Variants in ITGA1 observed in about 807,000 individuals in gnomAD.
The protein encoded by ITGA1 is integrin alpha-1.
A neutral mutation model predicts 145.9 loss-of-function variants in ITGA1; 85 were observed. The ratio of observed to expected loss-of-function variants is 0.58; its 90% CI spans 0.49 to 0.70. The LOEUF is 0.70. ITGA1 is among the 30% of genes least tolerant of loss of function. The probability of loss-of-function intolerance (pLI) is 0.00; values close to 1 mark genes in which losing one functional copy is unlikely to be tolerated. For missense variants in ITGA1, 1,351 were observed against 1,418.7 expected (o/e 0.95, Z 0.77); for synonymous variants, 520 against 495.3 (o/e 1.05, Z -0.66).
At chr5:52,902,013 T>C (rs1010037760) in intron 11 of ITGA1, 6 of 152,118 alleles carry the variant, frequency 3.9e-5, no homozygotes, top group African/African-American at 1.4e-4. Context: ...TCACCCAAAA[T>C]AATATTCTAA....
chr5:52,817,835 A>T (rs1190659779), intron 1 of ITGA1, among the ~76,000 whole-genome samples: 1 of 152,214 alleles, frequency 6.6e-6, no homozygotes, highest in East Asian at 1.9e-4. Context: ...GCTTCAGTGA[A>T]ATTTAGAGCA....
intron 1 of ITGA1, among the ~76,000 whole-genome samples, chr5:52,810,004 T>C (rs1748660803): frequency 1.3e-5 from 2 of 150,222 alleles, no homozygotes; most frequent in Non-Finnish European, 3.0e-5. Context: ...CTCTGAAAGA[T>C]TGTGGAACCT....
At chr5:52,863,618 T>C (rs1228185263) in intron 3 of ITGA1, among the ~76,000 whole-genome samples, 1 of 152,136 alleles carries the variant, frequency 6.6e-6, no homozygotes, top group Non-Finnish European at 1.5e-5. Context: ...TTTCATGTAT[T>C]TTTTTTAATT....
chr5:52,800,047 A>T (rs926481037), intron 1 of ITGA1: 6 of 305,710 alleles, frequency 2.0e-5, no homozygotes, highest in Non-Finnish European at 3.1e-5. Context: ...TCCTTTGGGG[A>T]CGGGAGACGT....
At chr5:52,926,172 C>T (rs1750803398) in intron 19 of ITGA1, among the ~76,000 whole-genome samples, 2 of 152,032 alleles carry the variant, frequency 1.3e-5, no homozygotes, top group African/African-American at 4.8e-5. Flanking sequence ...AGTATTAAAA[C>T]ACTATTGTCT....
At chr5:52,918,478 T>C (rs1173607206) in intron 15 of ITGA1, among the ~76,000 whole-genome samples, 1 of 152,162 alleles carries the variant, frequency 6.6e-6, no homozygotes, top group Non-Finnish European at 1.5e-5. Context: ...TTCCATCTCT[T>C]TTCCATCACA....
chr5:52,935,958 T>TAACTGAATATCAGGAAACAGAA lies in ITGA1; in HGVS notation c.2965-1443_2965-1442insAACTGAATATCAGGAAACAGAA, dbSNP rs1246974467. ...TGGTAATTACAGAACACAGGATTTC[T>TAACTGAATATCAGGAAACAGAA]TTTTTTTTTTTTTTTTTTTTTTTTT... On this transcript the variant is annotated intron_variant, in intron 23 of 28. Coordinates refer to ENST00000282588, the MANE Select transcript of ITGA1 (RefSeq NM_181501.2). Among the ~76,000 whole-genome samples, 3 of 35,820 alleles carry TAACTGAATATCAGGAAACAGAA rather than the reference T, an allele frequency of 8.4e-5. 1 individual carries two copies. The highest frequency in any genetic ancestry group is 2.2e-4 in the African/African-American group (2 of 8,924). 23.5% of individuals were successfully genotyped at this position (35,820 alleles called of 152,430 possible). A position where few individuals can be genotyped will look rare whatever the true frequency, so the allele number is the denominator to read the frequency against.
intron 28 of ITGA1, among the ~76,000 whole-genome samples, chr5:52,951,415 T>G (rs978836413): frequency 3.9e-5 from 6 of 152,142 alleles, no homozygotes; most frequent in African/African-American, 1.4e-4. Flanking sequence ...TTTGTTATTC[T>G]ATAGGATGGG....
Position 52,897,449 on chromosome 5 carries a change from T to TTA in ITGA1, c.1091-3_1091-2dup. 1.9e-6 allele frequency: 3 copies of TTA among 1,601,144 alleles called. No individual in the cohort carries two copies. The highest frequency in any genetic ancestry group is 1.7e-6 in the Non-Finnish European group (2 of 1,169,084). The stretch of plus-strand genomic sequence containing the variant: ...TTATTTACAGTGATATTTTCCTATG[T>TTA]TATAGCCACAGCTGACCAGTCAGCA... On this transcript the variant is annotated splice_region_variant and splice_polypyrimidine_tract_variant and intron_variant, in intron 9 of 28. Coordinates refer to ENST00000282588, the MANE Select transcript of ITGA1 (RefSeq NM_181501.2).
chr5:52,867,271 G>A (rs1478445), intron 6 of ITGA1: 41,342 of 152,032 alleles, frequency 0.27, 5,867 homozygotes, highest in South Asian at 0.39. Flanking sequence ...ACTTCAAAGT[G>A]AAATGTATTG....
chr5:52,918,018 A>G (rs1346084507), intron 15 of ITGA1, among the ~76,000 whole-genome samples: 1 of 152,130 alleles, frequency 6.6e-6, no homozygotes, highest in Non-Finnish European at 1.5e-5. Context: ...TAAGACAATG[A>G]CCTCAGTATC....
chr5:52,791,367 T>G (rs1580018680), intron 1 of ITGA1, among the ~76,000 whole-genome samples: 1 of 152,240 alleles, frequency 6.6e-6, no homozygotes, highest in Middle Eastern at 3.4e-3. Flanking sequence ...CAGTGTTAGT[T>G]TGATTATGAA....
chr5:52,851,612 A>G (rs1749433133), intron 2 of ITGA1, among the ~76,000 whole-genome samples: 1 of 152,220 alleles, frequency 6.6e-6, no homozygotes, highest in Non-Finnish European at 1.5e-5. Flanking sequence ...ATTGGATAGT[A>G]AGAATAAGGT....
At chr5:52,800,590 ACT>A (rs1362043338) in intron 1 of ITGA1, 3 of 1,613,038 alleles carry the variant, frequency 1.9e-6, no homozygotes, top group Admixed American at 1.7e-5. Context: ...CACTACCCTC[ACT>A]CTCTGCGTGG....
chr5:52,871,191 G>C (rs1749770773), intron 6 of ITGA1, among the ~76,000 whole-genome samples: 1 of 152,132 alleles, frequency 6.6e-6, no homozygotes, highest in Non-Finnish European at 1.5e-5. Flanking sequence ...TTTTAATTTA[G>C]ACAGAACCAT....
At chr5:52,926,791 G>A (rs1323126501) in intron 19 of ITGA1, among the ~76,000 whole-genome samples, 2 of 152,094 alleles carry the variant, frequency 1.3e-5, no homozygotes, top group Admixed American at 1.3e-4. Context: ...TATATTAACA[G>A]TAACAACAGT....
At chr5:52,881,502 T>C (rs1319741719) in intron 6 of ITGA1, among the ~76,000 whole-genome samples, 6 of 152,200 alleles carry the variant, frequency 3.9e-5, no homozygotes, top group East Asian at 3.9e-4. Flanking sequence ...CAATTGTTCA[T>C]GTATTTGAAT....
At chr5:52,856,680 C>CAG (rs137879951) in intron 2 of ITGA1, among the ~76,000 whole-genome samples, 2,262 of 148,256 alleles carry the variant, frequency 0.015, 20 homozygotes, top group South Asian at 0.023. Flanking sequence ...GAAAAAGAGA[C>CAG]AGAGAGAGAG....
In ITGA1 at chr5:52,863,498, A is replaced by AAAAAC. The variant is rs1306903987; in HGVS notation, c.296-1253_296-1249dup. Among the ~76,000 whole-genome samples, 26 of 152,252 alleles carry AAAAAC rather than the reference A, an allele frequency of 1.7e-4. No homozygotes were observed. In the East Asian group the frequency reaches 4.1e-3, roughly 24 times the overall value. On this transcript the variant is annotated intron_variant, in intron 3 of 28. Transcript: ENST00000282588. ...TGGGGGTGGGTTAGGGGTGGGGGAC[A>AAAAAC]AAAACAAAACAAAACACAAAAGCAC... is the stretch of plus-strand genomic sequence containing the variant.
Sources: allele counts gnomAD v4.1 joint callset (sites outside exome capture counted in the v4.1 genomes callset), GRCh38; gene constraint gnomAD v4.1.1; transcripts MANE v1.5; gene names NCBI Gene and HGNC (gene_info 2026-07-23, HGNC 2026-07-21).